The following MMP17 variants were observed in gnomAD, a reference collection of about 807,000 sequenced individuals.
MMP17 encodes matrix metalloproteinase-17.
MMP17 carries 54 observed loss-of-function variants against 49.1 expected under a neutral mutation model. That is an observed-to-expected ratio of 1.10 (90% confidence interval 0.88 to 1.38). MMP17 has a LOEUF of 1.38. Ranked by LOEUF, MMP17 falls within the 40% of genes most tolerant of loss-of-function variation. The pLI, the probability that MMP17 is intolerant of heterozygous loss-of-function variation, is 0.00. For missense variants in MMP17, 837 were observed against 853.7 expected (o/e 0.98, Z 0.24); for synonymous variants, 397 against 383.1 (o/e 1.04, Z -0.42).
intron 1 of MMP17, among the ~76,000 whole-genome samples, chr12:131,833,289 G>A (rs1886918465): frequency 6.6e-6 from 1 of 152,242 alleles, no homozygotes; most frequent in Non-Finnish European, 1.5e-5. Context: ...TGTTAGGATC[G>A]AATAGAGCAG....
At chr12:131,840,956 AAC>A (rs1401985931) in intron 4 of MMP17, 100 bp downstream of exon 4, 22 of 1,350,714 alleles carry the variant, frequency 1.6e-5, no homozygotes, top group Admixed American at 5.5e-5. Flanking sequence ...TGCGGCTGAA[AAC>A]ACACGCGGCT....
chr12:131,849,658 T>G, intron 8 of MMP17, 144 bp from the exon 9 acceptor site: 1 of 839,802 alleles, frequency 1.2e-6, no homozygotes, highest in Middle Eastern at 2.6e-4. Context: ...TGATGTGGGG[T>G]GATTGCAGTG....
chr12:131,834,430 G>T (rs1354657603), intron 1 of MMP17, among the ~76,000 whole-genome samples: 9 of 152,228 alleles, frequency 5.9e-5, no homozygotes, highest in Non-Finnish European at 1.3e-4. Flanking sequence ...CAGGCGGCGG[G>T]TGGGCGTGGA....
chr12:131,849,984 C>CCCGG lies in MMP17; in HGVS notation c.1389_1392dup (p.Tyr465ArgfsTer87). ...CGATGACCACACGAGGCACATGGAC[C>CCCGG]CCGGCTACCCCGCCCAGAGCCCCCT... On this transcript the variant is annotated frameshift_variant, in exon 9 of 10. Coordinates refer to ENST00000360564, the MANE Select transcript of MMP17 (RefSeq NM_016155.7). LOFTEE classifies it high-confidence loss of function. 1 of 1,613,794 alleles carries CCCGG rather than the reference C, an allele frequency of 6.2e-7. No individual in the cohort carries two copies. The highest frequency in any genetic ancestry group is 1.1e-5 in the South Asian group (1 of 91,084).
rs1887710660 is a variant in MMP17, at chr12:131,846,514, CA to C, written c.1204+1067del. On this transcript the variant is annotated intron_variant, in intron 8 of 9. Coordinates refer to ENST00000360564, the MANE Select transcript of MMP17 (RefSeq NM_016155.7). The surrounding 1 kb of genome is among the most constrained non-coding windows in gnomAD (Gnocchi z 4.6). ...TCAGCCTCCCTAGTAGCTGGGATTACAAGGTGCCCGCCACCACTCCTGGCTA... is the reference window on the plus strand; with the variant it reads ...TCAGCCTCCCTAGTAGCTGGGATTACAGGTGCCCGCCACCACTCCTGGCTA... Among the ~76,000 whole-genome samples the C allele has an allele frequency of 6.6e-6, 1 of 152,200 alleles. No homozygotes were observed. The highest frequency in any genetic ancestry group is 2.1e-4 in the South Asian group (1 of 4,812).
intron 1 of MMP17, among the ~76,000 whole-genome samples, chr12:131,836,475 C>T (rs1887089428): frequency 8.2e-6 from 1 of 122,670 alleles, no homozygotes; most frequent in South Asian, 2.5e-4. Flanking sequence ...TTTTCTTTTT[C>T]CTTTTTTTTT....
At chr12:131,848,170 C>T (rs1017412446) in intron 8 of MMP17, among the ~76,000 whole-genome samples, 1 of 152,212 alleles carries the variant, frequency 6.6e-6, no homozygotes, top group Non-Finnish European at 1.5e-5. Flanking sequence ...ACTGCGGCCT[C>T]GACCTCCCAG....
At chr12:131,838,864 G>T in intron 3 of MMP17, 123 bp downstream of exon 3, 1 of 1,239,432 alleles carries the variant, frequency 8.1e-7, no homozygotes, top group Non-Finnish European at 1.1e-6. Flanking sequence ...TCTCCGTGGA[G>T]GCGGGTGCGT....
chr12:131,833,002 C>T (rs1886903614), intron 1 of MMP17, among the ~76,000 whole-genome samples: 1 of 152,228 alleles, frequency 6.6e-6, no homozygotes, highest in South Asian at 2.1e-4. Flanking sequence ...CCATCCCTCA[C>T]CCCCACACAG....
chr12:131,838,040 C>T (rs1022286451), intron 1 of MMP17, 155 bp from the exon 2 acceptor site: 35 of 949,712 alleles, frequency 3.7e-5, no homozygotes, highest in African/African-American at 1.2e-4. Context: ...GACACTTTTC[C>T]GGCAGCTGCC....
At chr12:131,849,301 T>C (rs57196843) in intron 8 of MMP17, among the ~76,000 whole-genome samples, 31,330 of 152,066 alleles carry the variant, frequency 0.21, 3,464 homozygotes, top group East Asian at 0.39. Flanking sequence ...CTGGCCAACA[T>C]GGTGAAACCC....
Position 131,838,666 on chromosome 12 carries a change from C to T in MMP17, c.347C>T (p.Pro116Leu), listed in dbSNP as rs267603383. 3.7e-6 allele frequency: 6 copies of T among 1,610,974 alleles called. No homozygotes were observed. The African/African-American group carries it at 5.3e-5, about 14-fold the overall frequency. ...KTPRCSLPDL[P>L]VLTQARRRRQ... ...CCACGCTGCTCCCTGCCAGACCTCC[C>T]TGTCCTGACCCAGGCTCGCAGGAGA... is the stretch of plus-strand genomic sequence containing the variant. The change falls in exon 3 of 10, where the codon CCT becomes CTT. Residue 116 changes from proline (P) to leucine (L), a missense_variant. Transcript: ENST00000360564.
rs1308619756 is a variant in MMP17, at chr12:131,846,158, C to T, written c.1204+709C>T. Among the ~76,000 whole-genome samples the T allele has an allele frequency of 1.3e-5, 2 of 152,158 alleles. No individual in the cohort carries two copies. The highest frequency in any genetic ancestry group is 3.9e-4 in the East Asian group (2 of 5,186). ...GCTGAAACACCCGGAGTTTCCCTCA[C>T]AGTCTGGAGGCCACGAGTCCGAAAT... On this transcript the variant is annotated intron_variant, in intron 8 of 9. Transcript: ENST00000360564. This position sits in a 1 kb window ranked among gnomAD's most constrained non-coding sequence, Gnocchi z 4.6.
chr12:131,845,724 G>A (rs1011895779), intron 8 of MMP17, among the ~76,000 whole-genome samples: 9 of 152,214 alleles, frequency 5.9e-5, no homozygotes, highest in Admixed American at 5.2e-4. Flanking sequence ...AAGTCAGGAG[G>A]AGCTGATGCC....
At chr12:131,838,482 A>T in intron 2 of MMP17, 130 bp from the exon 3 acceptor site, 4 of 1,453,608 alleles carry the variant, frequency 2.8e-6, no homozygotes, top group Non-Finnish European at 3.6e-6. Context: ...GGTCCCCCAA[A>T]GATGACGTGG....
Position 131,838,203 on chromosome 12 carries a change from A to G in MMP17, c.168A>G (p.Leu56=). 1.9e-6 allele frequency: 3 copies of G among 1,612,764 alleles called. No individual in the cohort carries two copies. The highest frequency in any genetic ancestry group is 2.5e-6 in the Non-Finnish European group (3 of 1,179,636). ...CTGCTCTCTGCCCTCAGGAGTGGCT[A>G]AGCAGGTTCGGTTACCTGCCCCCGG... The part of the protein sequence containing the change: ...AEDLSLGVEW[L]SRFGYLPPAD... Residue 56 remains leucine (L), a synonymous_variant, in exon 2 of 10, where the codon CTA becomes CTG. Transcript: ENST00000360564.
At position 131,838,648 on chromosome 12, in the gene MMP17, G is replaced by A. The variant is rs762483879; in HGVS notation, c.329G>A (p.Cys110Tyr). ...CTGGCCCTGATGAAAACCCCACGCT[G>A]CTCCCTGCCAGACCTCCCTGTCCTG... is the stretch of plus-strand genomic sequence containing the variant. ...ATLALMKTPRCSLPDLPVLTQ... is the reference protein window; with the variant it reads ...ATLALMKTPRYSLPDLPVLTQ... Residue 110 changes from cysteine to tyrosine, a missense_variant, in exon 3 of 10, where the codon TGC becomes TAC. By Grantham distance (194) the Cys-to-Tyr change is radical (BLOSUM62 -2). Transcript: ENST00000360564. 1.2e-6 allele frequency: 2 copies of A among 1,611,288 alleles called. No individual in the cohort carries two copies. Among genetic ancestry groups the A allele is most frequent in the African/African-American group, 1.3e-5 (1 of 74,968 alleles).
At chr12:131,830,414 GC>G (rs1467306306) in intron 1 of MMP17, among the ~76,000 whole-genome samples, 1 of 152,232 alleles carries the variant, frequency 6.6e-6, no homozygotes, top group East Asian at 1.9e-4. Flanking sequence ...GCTGCGGGCA[GC>G]CCCCTGCCTG....
At chr12:131,845,268 C>T (rs1287843546) in intron 7 of MMP17, 29 bp from the exon 8 acceptor site, 2 of 1,612,728 alleles carry the variant, frequency 1.2e-6, no homozygotes, top group Non-Finnish European at 1.7e-6. Context: ...ACCGTCTCTG[C>T]AGCCCGGCCC....
Sources: allele counts gnomAD v4.1 joint callset (sites outside exome capture counted in the v4.1 genomes callset), GRCh38; gene constraint gnomAD v4.1.1; non-coding constraint Gnocchi (gnomAD v3.1); transcripts MANE v1.5; gene names NCBI Gene and HGNC (gene_info 2026-07-23, HGNC 2026-07-21).